CLSTN3: variants seen among roughly 807,000 people sequenced by gnomAD.
CLSTN3 encodes the protein calsyntenin 3.
In CLSTN3, 36 loss-of-function variants were observed where a neutral mutation model predicts 95.9. That is an observed-to-expected ratio of 0.38 (90% CI 0.29 to 0.50). The LOEUF is 0.50. Ranked by LOEUF, CLSTN3 falls within the 20% of genes least tolerant of loss-of-function variation. The pLI is 0.95. For synonymous variants in CLSTN3, 481 were observed against 504.0 expected (o/e 0.95, Z 0.61); for missense variants, 1,084 against 1,268.8 (o/e 0.85, Z 2.21).
rs1939581358 is a variant in CLSTN3, at chr12:7,144,044, T to A, written c.1847+733T>A. 2.0e-5 allele frequency among the ~76,000 whole-genome samples: 3 copies of A among 152,076 alleles called. No individual in the cohort carries two copies. In the South Asian group the frequency reaches 6.2e-4, roughly 31 times the overall value. ...GAGTTCAAGACCAGCCTGGCCAACA[T>A]GGTGAAACCCTGTCTCTACTAAAAA... On this transcript the variant is annotated intron_variant, in intron 12 of 17. Coordinates refer to ENST00000266546, the MANE Select transcript of CLSTN3 (RefSeq NM_014718.4).
Position 7,135,338 on chromosome 12 carries a change from A to C in CLSTN3, c.395A>C (p.His132Pro), listed in dbSNP as rs750591063. 6.2e-7 allele frequency: 1 copy of C among 1,613,986 alleles called. No homozygotes were observed. Residue 132 changes from histidine (H) to proline (P), a missense_variant, in exon 4 of 18, where the codon CAT (histidine) becomes CCT (proline). Coordinates refer to ENST00000266546, the MANE Select transcript of CLSTN3 (RefSeq NM_014718.4). Reference protein sequence around the residue: ...NTKKSHKATVHVRVNDVNEFA... With the variant: ...NTKKSHKATVPVRVNDVNEFA... Reference sequence around the variant, plus strand: ...TCTGGCATATGCAGGGCCACTGTGCATGTGCGGGTCAACGATGTGAACGAG... The same window carrying C: ...TCTGGCATATGCAGGGCCACTGTGCCTGTGCGGGTCAACGATGTGAACGAG...
Position 7,137,704 on chromosome 12 carries a change from T to TCAGC in CLSTN3, c.1211-239_1211-236dup, listed in dbSNP as rs1052551103. Among the ~76,000 whole-genome samples, 6 of 148,670 alleles carry TCAGC rather than the reference T, an allele frequency of 4.0e-5. No homozygotes were observed. Among genetic ancestry groups the TCAGC allele is most frequent in the African/African-American group, 1.5e-4 (6 of 40,210 alleles). ...GAGTGGGCCAGCTGATGTTCCCTCC[T>TCAGC]CAGCCAGCCAGCCAGGGTGCCTAAG... is the stretch of plus-strand genomic sequence containing the variant. On this transcript the variant is annotated intron_variant, in intron 7 of 17. Coordinates refer to ENST00000266546, the MANE Select transcript of CLSTN3 (RefSeq NM_014718.4). The surrounding 1 kb of genome is among the most constrained non-coding windows in gnomAD (Gnocchi z 4.4).
Position 7,142,718 on chromosome 12 carries a change from CTTTTTTTTT to C in CLSTN3, c.1541-142_1541-134del. The C allele has an allele frequency of 6.5e-6, 2 of 306,676 alleles. 1 individual carries two copies. Among genetic ancestry groups the C allele is most frequent in the Non-Finnish European group, 1.2e-5 (2 of 171,118 alleles). The allele number at this position is 306,676 out of a possible 1,614,324, so 19.0% of individuals were successfully genotyped here. ...CCTCACCTCTCATCTCTCTTTTTTC[CTTTTTTTTT>C]TTTTTTTTGGTTTCCACATTTCTCC... On this transcript the variant is annotated intron_variant, in intron 10 of 17. Coordinates refer to ENST00000266546, the MANE Select transcript of CLSTN3 (RefSeq NM_014718.4).
In CLSTN3 at chr12:7,149,785, C is replaced by A; in HGVS notation, c.2245+92C>A. 1.6e-6 allele frequency: 2 copies of A among 1,239,934 alleles called. No homozygotes were observed. Among genetic ancestry groups the A allele is most frequent in the South Asian group, 1.5e-5 (1 of 66,724 alleles). 76.8% of individuals were successfully genotyped at this position (1,239,934 alleles called of 1,614,324 possible). A position where few individuals can be genotyped will look rare whatever the true frequency, so the allele number is the denominator to read the frequency against. ...AGCCCAGAGGGTCCTCCTTCCAGGT[C>A]CAGGGATGTGGACAAGTGCCGTTTT... On this transcript the variant is annotated intron_variant, in intron 14 of 17. Coordinates refer to ENST00000266546, the MANE Select transcript of CLSTN3 (RefSeq NM_014718.4). This position sits in a 1 kb window ranked among gnomAD's most constrained non-coding sequence, Gnocchi z 4.5.
In CLSTN3 at chr12:7,132,522, G is replaced by C. The variant is rs751184510; in HGVS notation, c.65-502G>C. On this transcript the variant is annotated intron_variant, in intron 1 of 17. Coordinates refer to ENST00000266546, the MANE Select transcript of CLSTN3 (RefSeq NM_014718.4). ...TTGGGGCTTGGCTGGGAGAAGTGCA[G>C]AGTGAAGGGATCAGGACTGAAATGA... is the stretch of plus-strand genomic sequence containing the variant. 12 of 226,972 alleles carry C rather than the reference G, an allele frequency of 5.3e-5. No homozygotes were observed. The East Asian group carries it at 1.1e-3, about 21-fold the overall frequency. 14.1% of individuals were successfully genotyped at this position (226,972 alleles called of 1,614,324 possible). A position where few individuals can be genotyped will look rare whatever the true frequency, so the allele number is the denominator to read the frequency against.
At position 7,142,876 on chromosome 12, in the gene CLSTN3, TTTG is replaced by T. The variant is rs747456409; in HGVS notation, c.1550_1552del (p.Leu517del). ...CCTGTGTTCCTACCCTAGGAGACCC[TTTG>T]TCGATCCACCACTACTTCCATGGCT... is the stretch of plus-strand genomic sequence containing the variant. On this transcript the variant is annotated inframe_deletion, in exon 11 of 18. Coordinates refer to ENST00000266546, the MANE Select transcript of CLSTN3 (RefSeq NM_014718.4). The T allele has an allele frequency of 5.0e-6, 8 of 1,614,130 alleles. No homozygotes were observed. Among genetic ancestry groups the T allele is most frequent in the Admixed American group, 1.7e-5 (1 of 60,020 alleles).
chr12:7,149,339 G>A lies in CLSTN3; in HGVS notation c.2074+141G>A. On this transcript the variant is annotated intron_variant, in intron 13 of 17. Transcript: ENST00000266546. The surrounding 1 kb of genome is among the most constrained non-coding windows in gnomAD (Gnocchi z 4.5). ...GACTGAACAACTTACCTTTAAGAAG[G>A]AGAGCAAGTGGAAAACACGTGGGTG... is the stretch of plus-strand genomic sequence containing the variant. The A allele has an allele frequency of 1.1e-6, 1 of 928,574 alleles. No homozygotes were observed. Among genetic ancestry groups the A allele is most frequent in the Non-Finnish European group, 1.6e-6 (1 of 611,608 alleles). The allele number at this position is 928,574 out of a possible 1,614,324, so 57.5% of individuals were successfully genotyped here. A position where few individuals can be genotyped will look rare whatever the true frequency, so the allele number is the denominator to read the frequency against.
At chr12:7,135,642 C>G in intron 4 of CLSTN3, 107 bp downstream of exon 4, 1 of 1,368,216 alleles carries the variant, frequency 7.3e-7, no homozygotes, top group East Asian at 2.3e-5. Context: ...AGACCCTCAC[C>G]TCACCCTTCT....
At chr12:7,134,292 T>A (rs187153073) in intron 3 of CLSTN3, among the ~76,000 whole-genome samples, 2 of 152,204 alleles carry the variant, frequency 1.3e-5, no homozygotes, top group East Asian at 3.9e-4. Context: ...CATACACATA[T>A]AGCTCTAGGT....
At position 7,150,827 on chromosome 12, in the gene CLSTN3, AAGGAGATGGGGGCAGTAGTT is replaced by A. The variant is rs1223535103; in HGVS notation, c.2392-89_2392-70del. The A allele has an allele frequency of 3.9e-6, 6 of 1,545,982 alleles. No individual in the cohort carries two copies. Among genetic ancestry groups the A allele is most frequent in the Non-Finnish European group, 5.3e-6 (6 of 1,138,202 alleles). On this transcript the variant is annotated intron_variant, in intron 15 of 17. Transcript: ENST00000266546. The surrounding 1 kb of genome is among the most constrained non-coding windows in gnomAD (Gnocchi z 4.0). ...CTGGACCTTGCAGTGGGTGGAGGAG[AAGGAGATGGGGGCAGTAGTT>A]AGGAGATGGGGCTGGGGTCTAGAGA...
At chr12:7,148,156 A>AAAGGAAAGAAAG (rs1555168992) in intron 12 of CLSTN3, among the ~76,000 whole-genome samples, 6 of 135,404 alleles carry the variant, frequency 4.4e-5, no homozygotes, top group Non-Finnish European at 7.9e-5. Flanking sequence ...AACTCCATCA[A>AAAGGAAAGAAAG]AAAGAAAGAA....
At chr12:7,130,313 T>TC (rs1668520438), upstream of CLSTN3, 1 of 198,672 alleles carries the variant, frequency 5.0e-6, no homozygotes, top group Non-Finnish European at 7.7e-6. Context: ...TCCCCCCCCC[T>TC]CCCAGTCACC....
intron 1 of CLSTN3, chr12:7,131,790 T>C (rs1163629617): frequency 3.3e-5 from 15 of 456,362 alleles, no homozygotes; most frequent in Non-Finnish European, 5.7e-5. Flanking sequence ...CTGTGCACCA[T>C]CTTGTGGCTT....
chr12:7,141,952 A>C lies in CLSTN3; in HGVS notation c.1487-134A>C, dbSNP rs1939532612. 1 of 670,104 alleles carries C rather than the reference A, an allele frequency of 1.5e-6. No individual in the cohort carries two copies. Among genetic ancestry groups the C allele is most frequent in the African/African-American group, 1.8e-5 (1 of 55,044 alleles). 41.5% of individuals were successfully genotyped at this position (670,104 alleles called of 1,614,324 possible). ...TGAGCTGAGAGGTTGCAAGTTATAC[A>C]TGGGCAGGGTCAGAATCCCATGTGG... On this transcript the variant is annotated intron_variant, in intron 9 of 17. Transcript: ENST00000266546. This position sits in a 1 kb window ranked among gnomAD's most constrained non-coding sequence, Gnocchi z 4.1.
chr12:7,145,340 T>C (rs979860943), intron 12 of CLSTN3, among the ~76,000 whole-genome samples: 1 of 83,564 alleles, frequency 1.2e-5, no homozygotes, highest in Admixed American at 1.5e-4. Flanking sequence ...GGAGAAAATA[T>C]AGAGGGGTGT....
At chr12:7,156,547 G>C (rs970725180) in intron 16 of CLSTN3, 10 of 456,736 alleles carry the variant, frequency 2.2e-5, no homozygotes, top group Non-Finnish European at 4.0e-5. Flanking sequence ...CGCAGTGTGA[G>C]CAGGCGGCCA....
intron 8 of CLSTN3, among the ~76,000 whole-genome samples, chr12:7,139,889 C>A (rs1464740307): frequency 1.3e-5 from 2 of 152,120 alleles, no homozygotes; most frequent in Non-Finnish European, 2.9e-5. Context: ...CGTGATCCAC[C>A]CACCTTGGCC....
intron 16 of CLSTN3, chr12:7,155,984 G>A (rs1591623245): frequency 6.0e-6 from 2 of 331,396 alleles, no homozygotes; most frequent in African/African-American, 2.2e-5. Flanking sequence ...TGGGCCATGC[G>A]CTTCCCTACG....
chr12:7,147,571 G>A (rs1308329089), intron 12 of CLSTN3, among the ~76,000 whole-genome samples: 1 of 149,754 alleles, frequency 6.7e-6, no homozygotes, highest in East Asian at 2.0e-4. Flanking sequence ...GAGTGCAGTG[G>A]CCTGATCTCA....
Sources: gnomAD v4.1 joint callset for allele counts (sites outside exome capture counted in the v4.1 genomes callset) on GRCh38, gnomAD v4.1.1 for gene constraint, Gnocchi (gnomAD v3.1) non-coding constraint, MANE v1.5 for transcripts, NCBI Gene and HGNC (gene_info 2026-07-23, HGNC 2026-07-21) for gene names.